Variants in SHANK2 observed in about 807,000 individuals in gnomAD.
The protein encoded by SHANK2 is SH3 and multiple ankyrin repeat domains 2.
A neutral mutation model predicts 133.7 loss-of-function variants in SHANK2; 43 were observed. That is an observed-to-expected ratio of 0.32 (90% CI 0.25 to 0.41). The LOEUF (loss-of-function observed/expected upper bound fraction) is 0.41, where lower values mean the gene tolerates loss of function less well. Among genes scored for constraint, SHANK2 ranks in the 10% least tolerant of loss-of-function variants. The probability of loss-of-function intolerance (pLI) is 1.00; values close to 1 mark genes in which losing one functional copy is unlikely to be tolerated. For synonymous variants in SHANK2, 1,017 were observed against 952.8 expected, an observed-to-expected ratio of 1.07 and a Z score of -1.24; for missense variants, 1,994 against 2,235.8, an observed-to-expected ratio of 0.89 and a Z score of 2.18.
intron 6 of SHANK2, among the ~76,000 whole-genome samples, chr11:71,100,945 G>A (rs782051600): frequency 6.6e-6 from 1 of 151,938 alleles, no homozygotes; most frequent in Non-Finnish European, 1.5e-5. Context: ...ACAGAGGAGG[G>A]AGGGATGGAC....
intron 1 of SHANK2, among the ~76,000 whole-genome samples, chr11:71,231,463 T>G (rs963337054): frequency 7.9e-5 from 12 of 152,226 alleles, no homozygotes; most frequent in African/African-American, 2.9e-4. Flanking sequence ...ATCTTACACG[T>G]TGCTGGTGGA....
At chr11:71,085,601 T>TA (rs1490040083) in intron 8 of SHANK2, among the ~76,000 whole-genome samples, 1 of 86,920 alleles carries the variant, frequency 1.2e-5, no homozygotes, top group Admixed American at 2.0e-4. Context: ...ATAATATATA[T>TA]ATTAAATATA....
chr11:70,667,035 G>A (rs1284468883), intron 15 of SHANK2, among the ~76,000 whole-genome samples: 4 of 152,050 alleles, frequency 2.6e-5, no homozygotes, highest in Non-Finnish European at 4.4e-5. Flanking sequence ...AGCTGTGCAG[G>A]TTGTGCACTG....
At chr11:71,251,797 G>C (rs1037940303) in intron 1 of SHANK2, among the ~76,000 whole-genome samples, 10 of 151,156 alleles carry the variant, frequency 6.6e-5, no homozygotes, top group Non-Finnish European at 1.3e-4. Context: ...CAGGCGCGCC[G>C]GCCCCGGCCT....
At chr11:70,876,376 C>A (rs1380924580) in intron 11 of SHANK2, among the ~76,000 whole-genome samples, 2 of 150,942 alleles carry the variant, frequency 1.3e-5, no homozygotes, top group African/African-American at 2.4e-5. Context: ...CTGGCTAACA[C>A]GGTGAAACCT....
intron 8 of SHANK2, among the ~76,000 whole-genome samples, chr11:71,077,328 G>A (rs1057409017): frequency 1.6e-4 from 25 of 152,302 alleles, no homozygotes; most frequent in African/African-American, 5.8e-4. Flanking sequence ...CCTTCCCCCG[G>A]TTAATCTGAA....
rs1236254658 is a variant in SHANK2, at chr11:70,739,521, C to G, written c.1778-40758G>C. Among the ~76,000 whole-genome samples the G allele has an allele frequency of 6.6e-6, 1 of 152,130 alleles. No individual in the cohort carries two copies. The highest frequency in any genetic ancestry group is 1.5e-5 in the Non-Finnish European group (1 of 68,014). The stretch of plus-strand genomic sequence containing the variant: ...TGCCTGTGCCTTGTCTGGGGAACAC[C>G]TGGATCATGACCTGTGGCTGCTGGG... On this transcript the variant is annotated intron_variant, in intron 14 of 25. Coordinates refer to ENST00000601538, the MANE Select transcript of SHANK2 (RefSeq NM_012309.5). This position sits in a 1 kb window ranked among gnomAD's most constrained non-coding sequence, Gnocchi z 4.3.
intron 1 of SHANK2, among the ~76,000 whole-genome samples, chr11:71,239,385 T>A (rs959547019): frequency 6.6e-6 from 1 of 152,186 alleles, no homozygotes; most frequent in Non-Finnish European, 1.5e-5. Flanking sequence ...ACGTTAATAA[T>A]GATAATGATG....
chr11:70,807,221 A>T lies in SHANK2; in HGVS notation c.1494-50T>A. ...AGAGAGAGAGCAGAGTCACAAGGTCACAAGCCACATGCCACAAACCACAGC... is the reference window on the plus strand; with the variant it reads ...AGAGAGAGAGCAGAGTCACAAGGTCTCAAGCCACATGCCACAAACCACAGC... On this transcript the variant is annotated intron_variant, in intron 12 of 25. Transcript: ENST00000601538. The surrounding 1 kb of genome is among the most constrained non-coding windows in gnomAD (Gnocchi z 4.8). 1.4e-6 allele frequency: 1 copy of T among 698,890 alleles called. No homozygotes were observed. The highest frequency in any genetic ancestry group is 2.6e-6 in the Non-Finnish European group (1 of 381,198). The allele number at this position is 698,890 out of a possible 1,614,324, so 43.3% of individuals were successfully genotyped here. A position where few individuals can be genotyped will look rare whatever the true frequency, so the allele number is the denominator to read the frequency against.
chr11:71,065,026 G>A lies in SHANK2; in HGVS notation c.1030-8468C>T, dbSNP rs989259526. Among the ~76,000 whole-genome samples the A allele has an allele frequency of 1.4e-4, 21 of 152,286 alleles. No individual in the cohort carries two copies. The South Asian group carries it at 2.9e-3, about 21-fold the overall frequency. ...CTGCAGGAGGGAATCTGGGTAACAG[G>A]AGCGTGCAGTGCAGACGCCGAGAGA... On this transcript the variant is annotated intron_variant, in intron 9 of 25. Coordinates refer to ENST00000601538, the MANE Select transcript of SHANK2 (RefSeq NM_012309.5).
chr11:70,756,476 A>G (rs1946875731), intron 14 of SHANK2, among the ~76,000 whole-genome samples: 1 of 152,138 alleles, frequency 6.6e-6, no homozygotes, highest in African/African-American at 2.4e-5. Flanking sequence ...CACAGAGCAC[A>G]CCCTCTCCCA....
chr11:70,848,439 T>A (rs1175180639), intron 11 of SHANK2, among the ~76,000 whole-genome samples: 1 of 152,196 alleles, frequency 6.6e-6, no homozygotes, highest in Non-Finnish European at 1.5e-5. Context: ...CCCTTGAAGA[T>A]GACTGTGCAA....
chr11:70,790,329 G>A (rs1947761984), intron 14 of SHANK2, among the ~76,000 whole-genome samples: 1 of 152,156 alleles, frequency 6.6e-6, no homozygotes, highest in Non-Finnish European at 1.5e-5. Flanking sequence ...CTCCACCCAG[G>A]GTGCATAAAG....
intron 14 of SHANK2, among the ~76,000 whole-genome samples, chr11:70,736,308 C>T (rs1555033553): frequency 6.6e-6 from 1 of 152,080 alleles, no homozygotes; most frequent in Non-Finnish European, 1.5e-5. Context: ...GAGTGCTGGT[C>T]CCCAAAAGAT....
Position 71,188,705 on chromosome 11 carries a change from C to A in SHANK2, c.-13+35992G>T, listed in dbSNP as rs958402749. On this transcript the variant is annotated intron_variant, in intron 2 of 25. Coordinates refer to ENST00000601538, the MANE Select transcript of SHANK2 (RefSeq NM_012309.5). This position sits in a 1 kb window ranked among gnomAD's most constrained non-coding sequence, Gnocchi z 4.6. ...TAGAGTGCCCTGCTCACTCATCTGT[C>A]GCCCACCACACCTCTCCTCATCTGC... Among the ~76,000 whole-genome samples the A allele has an allele frequency of 4.6e-5, 7 of 152,294 alleles. No homozygotes were observed. In the South Asian group the frequency reaches 1.5e-3, roughly 32 times the overall value.
chr11:71,200,291 C>T (rs187422463), intron 2 of SHANK2, among the ~76,000 whole-genome samples: 14 of 152,308 alleles, frequency 9.2e-5, no homozygotes, highest in East Asian at 3.9e-4. Flanking sequence ...AGTCCTCATC[C>T]GTAATCCATT....
chr11:70,887,070 T>C (rs1327625488), intron 11 of SHANK2, among the ~76,000 whole-genome samples: 1 of 152,032 alleles, frequency 6.6e-6, no homozygotes, highest in Admixed American at 6.6e-5. Flanking sequence ...CCGTAAAAAA[T>C]AGGTTATCCC....
intron 17 of SHANK2, among the ~76,000 whole-genome samples, chr11:70,653,236 G>C (rs1416177089): frequency 2.0e-5 from 3 of 152,120 alleles, no homozygotes; most frequent in African/African-American, 7.2e-5. Context: ...GCCTCCCAAA[G>C]TGCTGGGATT....
intron 2 of SHANK2, among the ~76,000 whole-genome samples, chr11:71,178,345 T>C (rs986373893): frequency 6.6e-6 from 1 of 152,236 alleles, no homozygotes; most frequent in Admixed American, 6.5e-5. Flanking sequence ...ACATCTTATA[T>C]GATTCTACTT....
Sources: gnomAD v4.1 joint callset for allele counts (sites outside exome capture counted in the v4.1 genomes callset) on GRCh38, gnomAD v4.1.1 for gene constraint, Gnocchi (gnomAD v3.1) non-coding constraint, MANE v1.5 for transcripts, NCBI Gene and HGNC (gene_info 2026-07-23, HGNC 2026-07-21) for gene names.